Variants in AKAP11 observed in about 807,000 individuals in gnomAD.
The protein encoded by AKAP11 is A-kinase anchoring protein 11, also known as A-kinase anchor protein 11.
Under a neutral mutation model 146.1 loss-of-function variants are expected in AKAP11, and 36 were observed. The observed-to-expected ratio is 0.25, with a 90% CI of 0.19 to 0.33. AKAP11 has a LOEUF of 0.33. Among genes scored for constraint, AKAP11 ranks in the 10% least tolerant of loss-of-function variants. The pLI, the probability that AKAP11 is intolerant of heterozygous loss-of-function variation, is 1.00. For missense variants in AKAP11, 2,201 were observed against 2,197.0 expected (o/e 1.00, Z -0.04); for synonymous variants, 780 against 786.5 (o/e 0.99, Z 0.14).
At chr13:42,296,150 C>G (rs1169122897) in intron 5 of AKAP11, among the ~76,000 whole-genome samples, 3 of 152,080 alleles carry the variant, frequency 2.0e-5, no homozygotes, top group African/African-American at 7.2e-5. Context: ...TTTCTTTTTC[C>G]CTCGTGCTGC....
chr13:42,285,601 G>T (rs78560487), intron 1 of AKAP11, among the ~76,000 whole-genome samples: 1 of 152,166 alleles, frequency 6.6e-6, no homozygotes, highest in Non-Finnish European at 1.5e-5. Context: ...TGCAGATACC[G>T]AGTGGTTAAT....
chr13:42,298,784 G>A lies in AKAP11; in HGVS notation c.603G>A (p.Lys201=), dbSNP rs1324639410. 3.8e-6 allele frequency: 6 copies of A among 1,564,460 alleles called. No individual in the cohort carries two copies. ...FEHLEEEETS[K]PYNDGMNITV... ...ACTTAGAAGAGGAAGAGACTTCAAAGCCATACAATGATGGTTTGTTTTTCA... is the reference window on the plus strand; with the variant it reads ...ACTTAGAAGAGGAAGAGACTTCAAAACCATACAATGATGGTTTGTTTTTCA... Residue 201 remains lysine (K), a synonymous_variant, in exon 7 of 13, where the codon AAG becomes AAA. Coordinates refer to ENST00000025301, the MANE Select transcript of AKAP11 (RefSeq NM_016248.4).
At chr13:42,277,507 C>A (rs1958953064) in intron 1 of AKAP11, among the ~76,000 whole-genome samples, 1 of 152,164 alleles carries the variant, frequency 6.6e-6, no homozygotes, top group South Asian at 2.1e-4. Flanking sequence ...TCAAACATAC[C>A]TTATAAGTAG....
Position 42,319,312 on chromosome 13 carries a change from G to C in AKAP11, c.*84G>C. The C allele has an allele frequency of 6.6e-7, 1 of 1,517,966 alleles. No homozygotes were observed. Among genetic ancestry groups the C allele is most frequent in the Admixed American group, 2.1e-5 (1 of 47,746 alleles). The allele number at this position is 1,517,966 out of a possible 1,614,324, so 94.0% of individuals were successfully genotyped here. A position where few individuals can be genotyped will look rare whatever the true frequency, so the allele number is the denominator to read the frequency against. On this transcript the variant is annotated 3_prime_UTR_variant, in exon 13 of 13. Coordinates refer to ENST00000025301, the MANE Select transcript of AKAP11 (RefSeq NM_016248.4). ...AGATGTTTAGGATAAAATTTGAATAGTGAATATTAACATCGTAAGTCAGTT... is the reference window on the plus strand; with the variant it reads ...AGATGTTTAGGATAAAATTTGAATACTGAATATTAACATCGTAAGTCAGTT...
chr13:42,299,767 A>T lies in AKAP11; in HGVS notation c.1021A>T (p.Met341Leu). 2 of 1,613,996 alleles carry T rather than the reference A, an allele frequency of 1.2e-6. No individual in the cohort carries two copies. The highest frequency in any genetic ancestry group is 1.7e-6 in the Non-Finnish European group (2 of 1,179,912). ...AKLELPKIPVMKDDIEDSDSE... is the reference protein window; with the variant it reads ...AKLELPKIPVLKDDIEDSDSE... ...ACTTGAGCTGCCTAAAATTCCTGTG[A>T]TGAAAGATGATATAGAGGATTCAGA... is the stretch of plus-strand genomic sequence containing the variant. The change falls in exon 8 of 13, where the codon ATG becomes TTG. Residue 341 changes from methionine (M) to leucine (L), a missense_variant. Physicochemically the swap from Met to Leu is conservative, Grantham distance 15. Coordinates refer to ENST00000025301, the MANE Select transcript of AKAP11 (RefSeq NM_016248.4).
At chr13:42,298,906 A>G in intron 7 of AKAP11, 109 bp downstream of exon 7, 1 of 1,166,508 alleles carries the variant, frequency 8.6e-7, no homozygotes. Flanking sequence ...ATTTGATTCA[A>G]TTTAAACCTT....
chr13:42,291,953 TGGAGTAATCACTGTTGTTAAG>T (rs977163621), intron 3 of AKAP11, among the ~76,000 whole-genome samples: 7 of 152,238 alleles, frequency 4.6e-5, no homozygotes, highest in Non-Finnish European at 8.8e-5. Flanking sequence ...ACTTTGTTAA[TGGAGTAATCACTGTTGTTAAG>T]GGAGTAATCA....
chr13:42,295,566 TG>T, intron 4 of AKAP11, 128 bp from the exon 5 acceptor site: 1 of 851,310 alleles, frequency 1.2e-6, no homozygotes, highest in South Asian at 1.5e-5. Flanking sequence ...GGGTCATCTT[TG>T]AAAAAAATCC....
At chr13:42,295,369 T>A (rs1466552413) in intron 4 of AKAP11, among the ~76,000 whole-genome samples, 1 of 152,170 alleles carries the variant, frequency 6.6e-6, no homozygotes, top group African/African-American at 2.4e-5. Flanking sequence ...GGAGGTGGCA[T>A]GGTAATAGGA....
chr13:42,312,332 G>GGTAGTGT (rs1283445707), intron 9 of AKAP11, among the ~76,000 whole-genome samples: 1 of 152,120 alleles, frequency 6.6e-6, no homozygotes, highest in Non-Finnish European at 1.5e-5. Flanking sequence ...CAGTTGATTA[G>GGTAGTGT]GTAGTGTAAG....
chr13:42,292,626 A>T, intron 4 of AKAP11, 125 bp downstream of exon 4: 1 of 526,066 alleles, frequency 1.9e-6, no homozygotes, highest in Non-Finnish European at 3.2e-6. Flanking sequence ...CATGTATCAG[A>T]AGTACCTGTT....
In AKAP11 at chr13:42,301,971, A is replaced by G. The variant is rs1959943532; in HGVS notation, c.3225A>G (p.Thr1075=). 2 of 1,614,062 alleles carry G rather than the reference A, an allele frequency of 1.2e-6. No individual in the cohort carries two copies. Among genetic ancestry groups the G allele is most frequent in the Non-Finnish European group, 1.7e-6 (2 of 1,180,014 alleles). ...PFPHSHTFSS[T]ALTCVDGLHV... is the part of the protein sequence containing the mutation. ...CTCATTCACATACTTTCTCATCTAC[A>G]GCACTTACCTGTGTAGATGGTTTGC... Residue 1075 remains threonine (T), a synonymous_variant, in exon 8 of 13, where the codon ACA becomes ACG. Transcript: ENST00000025301.
intron 3 of AKAP11, among the ~76,000 whole-genome samples, chr13:42,290,406 C>T (rs1312056419): frequency 1.3e-5 from 2 of 152,142 alleles, no homozygotes; most frequent in Non-Finnish European, 1.5e-5. Flanking sequence ...AATATAAATG[C>T]ACATAATCTC....
intron 4 of AKAP11, among the ~76,000 whole-genome samples, chr13:42,294,434 G>T (rs778847815): frequency 2.0e-5 from 3 of 151,342 alleles, no homozygotes; most frequent in Non-Finnish European, 2.9e-5. Flanking sequence ...ACATAGTCTT[G>T]CCCTGCTGCC....
Position 42,302,494 on chromosome 13 carries a change from G to A in AKAP11, c.3748G>A (p.Asp1250Asn). 1 of 1,614,122 alleles carries A rather than the reference G, an allele frequency of 6.2e-7. No homozygotes were observed. The highest frequency in any genetic ancestry group is 8.5e-7 in the Non-Finnish European group (1 of 1,180,016). ...GTCGCCTACTTTTTTAAACCCCTCA[G>A]ACGAAAATTTGAAAACATTATGCAA... ...SVSPTFLNPS[D>N]ENLKTLCNFA... Residue 1250 changes from aspartate (D) to asparagine (N), a missense_variant, in exon 8 of 13, where the codon GAC becomes AAC. By Grantham distance (23) the Asp-to-Asn change is conservative (BLOSUM62 1). This residue lies in a region of AKAP11 where 1,867 missense variants were observed against 1,833.5 expected (regional missense o/e 1.02). Transcript: ENST00000025301.
Position 42,302,644 on chromosome 13 carries a change from G to T in AKAP11, c.3898G>T (p.Val1300Leu), listed in dbSNP as rs979638016. The T allele has an allele frequency of 6.2e-7, 1 of 1,614,192 alleles. No homozygotes were observed. The highest frequency in any genetic ancestry group is 8.5e-7 in the Non-Finnish European group (1 of 1,180,026). ...CYADGDEDYK[V>L]EEKLDIEAVV... ...TGCTGATGGTGACGAAGATTATAAA[G>T]TAGAAGAGAAGTTGGATATAGAGGC... is the stretch of plus-strand genomic sequence containing the variant. The change falls in exon 8 of 13, where the codon GTA becomes TTA. Residue 1300 changes from valine to leucine, a missense_variant. Around this residue, in one of 3 missense-constraint regions of AKAP11, gnomAD observed 1,867 missense variants for 1,833.5 expected, o/e 1.02. Coordinates refer to ENST00000025301, the MANE Select transcript of AKAP11 (RefSeq NM_016248.4).
Position 42,295,715 on chromosome 13 carries a change from T to C in AKAP11, c.189T>C (p.Asn63=). 1 of 1,611,056 alleles carries C rather than the reference T, an allele frequency of 6.2e-7. No homozygotes were observed. The highest frequency in any genetic ancestry group is 1.1e-5 in the South Asian group (1 of 90,074). Residue 63 remains asparagine (N), a synonymous_variant, in exon 5 of 13, where the codon AAT becomes AAC. Coordinates refer to ENST00000025301, the MANE Select transcript of AKAP11 (RefSeq NM_016248.4). Reference sequence around the variant, plus strand: ...CTCAGGTCACATTTCTGGGTTTTAATGAAGAGACAGATGCTGCTCATATAC... The same window carrying C: ...CTCAGGTCACATTTCTGGGTTTTAACGAAGAGACAGATGCTGCTCATATAC... ...NLTEVTFLGF[N]EETDAAHIQD...
At position 42,301,931 on chromosome 13, in the gene AKAP11, A is replaced by G. The variant is rs374899446; in HGVS notation, c.3185A>G (p.Gln1062Arg). The change falls in exon 8 of 13, where the codon CAG becomes CGG. Residue 1062 changes from glutamine (Q) to arginine (R), a missense_variant. Transcript: ENST00000025301. ...STSLEALSFG[Q>R]ENPFPHSHTF... ...TCACTTGAGGCCTTGTCTTTTGGAC[A>G]GGAAAACCCCTTTCCTCATTCACAT... 2 of 1,614,086 alleles carry G rather than the reference A, an allele frequency of 1.2e-6. No individual in the cohort carries two copies. Among genetic ancestry groups the G allele is most frequent in the African/African-American group, 1.3e-5 (1 of 74,950 alleles).
At chr13:42,294,330 GC>G (rs1260961771) in intron 4 of AKAP11, among the ~76,000 whole-genome samples, 1 of 152,062 alleles carries the variant, frequency 6.6e-6, no homozygotes, top group Non-Finnish European at 1.5e-5. Flanking sequence ...TTACTATGAT[GC>G]CAAATACATA....
Sources: allele counts gnomAD v4.1 joint callset (sites outside exome capture counted in the v4.1 genomes callset), GRCh38; gene constraint gnomAD v4.1.1; regional missense constraint gnomAD v4.1.1; transcripts MANE v1.5; gene names NCBI Gene and HGNC (gene_info 2026-07-23, HGNC 2026-07-21).